Variants in CD99L2 observed in about 807,000 individuals in gnomAD.
CD99L2 encodes the protein CD99 molecule like 2.
Under a neutral mutation model 27.3 loss-of-function variants are expected in CD99L2, and 24 were observed. The ratio of observed to expected loss-of-function variants is 0.88; its 90% CI spans 0.64 to 1.24. The LOEUF (loss-of-function observed/expected upper bound fraction) is 1.24. CD99L2 is among the 50% of genes most tolerant of loss of function. The probability of loss-of-function intolerance (pLI) is 0.00; values close to 1 mark genes in which losing one functional copy is unlikely to be tolerated. For missense variants in CD99L2, 255 were observed against 221.6 expected (o/e 1.15, Z -0.96); for synonymous variants, 97 against 87.9 (o/e 1.10, Z -0.58).
chrX:150,792,936 T>A (rs2045716884), intron 7 of CD99L2, among the ~76,000 whole-genome samples: 1 of 111,925 alleles, frequency 8.9e-6, no homozygotes, highest in Admixed American at 9.5e-5. Context: ...GGGGAGGACA[T>A]GACTATTCTG....
rs782139143 is a variant in CD99L2, at chrX:150,777,534, G to A, written c.497-52C>T. On this transcript the variant is annotated intron_variant, in intron 7 of 10. Transcript: ENST00000370377. The stretch of plus-strand genomic sequence containing the variant: ...GCCAGCGACCAGCCAGCTCAGGCTC[G>A]AGCTCGGGCCTCCGCGAGACGGATG... 3.0e-5 allele frequency: 35 copies of A among 1,170,532 alleles called. No individual in the cohort carries two copies. In the East Asian group the frequency reaches 6.0e-4, roughly 20 times the overall value.
intron 1 of CD99L2, among the ~76,000 whole-genome samples, chrX:150,841,175 C>T (rs374672698): frequency 1.8e-5 from 2 of 111,711 alleles, no homozygotes; most frequent in African/African-American, 6.5e-5. Flanking sequence ...TGAAATATGG[C>T]TCTTCCATAC....
chrX:150,777,473 C>T lies in CD99L2; in HGVS notation c.506G>A (p.Arg169Gln), dbSNP rs143706982. 95 of 1,209,673 alleles carry T rather than the reference C, an allele frequency of 7.9e-5. No individual in the cohort carries two copies. The highest frequency in any genetic ancestry group is 4.6e-4 in the Middle Eastern group (2 of 4,345). Residue 169 changes from arginine to glutamine, a missense_variant, in exon 8 of 11, where the codon CGG becomes CAG. Arg to Gln is a conservative substitution (Grantham distance 43). Transcript: ENST00000370377. ...YKPDKGKGDG[R>Q]YGSNDDPGSG... ...TCCAGGGTCGTCATTGCTGCCGTAC[C>T]GGCCATCACCTGAAGAAAAGACAAA...
At chrX:150,771,960 C>T in intron 9 of CD99L2, 5 of 648,097 alleles carry the variant, frequency 7.7e-6, no homozygotes, top group South Asian at 2.7e-5. Flanking sequence ...CAGCAGAGGC[C>T]GAGAGCACCT....
intron 2 of CD99L2, among the ~76,000 whole-genome samples, chrX:150,820,466 G>A (rs1183996829): frequency 9.0e-6 from 1 of 111,623 alleles, no homozygotes; most frequent in African/African-American, 3.2e-5. Flanking sequence ...AAAGCATTTA[G>A]ATGGTTTATT....
chrX:150,841,144 C>T (rs2046617389), intron 1 of CD99L2, among the ~76,000 whole-genome samples: 1 of 111,940 alleles, frequency 8.9e-6, no homozygotes, highest in African/African-American at 3.2e-5. Flanking sequence ...TCCAAGTGTT[C>T]AGCAAAGATG....
In CD99L2 at chrX:150,876,211, G is replaced by GA. The variant is rs782581178; in HGVS notation, c.67+22310dup. Reference sequence around the variant, plus strand: ...TTTTGTGTTGCCTCTCCATGAGAATGACAACTTAGATCACACACTTTTGCC... The same window carrying GA: ...TTTTGTGTTGCCTCTCCATGAGAATGAACAACTTAGATCACACACTTTTGCC... On this transcript the variant is annotated intron_variant, in intron 1 of 10. Coordinates refer to ENST00000370377, the MANE Select transcript of CD99L2 (RefSeq NM_031462.4). Among the ~76,000 whole-genome samples, 151 of 112,293 alleles carry GA rather than the reference G, an allele frequency of 1.3e-3. 1 individual carries two copies. The highest frequency in any genetic ancestry group is 4.3e-3 in the African/African-American group (132 of 30,918).
chrX:150,866,542 A>C (rs1557422041), intron 1 of CD99L2, among the ~76,000 whole-genome samples: 2 of 108,581 alleles, frequency 1.8e-5, no homozygotes, highest in African/African-American at 3.4e-5. Flanking sequence ...AGAACAGCCT[A>C]AGCAAAATAA....
At chrX:150,770,112 C>T (rs1557418971) in intron 10 of CD99L2, among the ~76,000 whole-genome samples, 192 bp downstream of exon 10, 1 of 112,834 alleles carries the variant, frequency 8.9e-6, no homozygotes, top group African/African-American at 3.2e-5. Context: ...CAGCAGATGG[C>T]CCTGGCTGTC....
intron 1 of CD99L2, among the ~76,000 whole-genome samples, chrX:150,853,984 T>C (rs1470761977): frequency 8.9e-6 from 1 of 111,852 alleles, no homozygotes; most frequent in Non-Finnish European, 1.9e-5. Context: ...TAATGAGCTA[T>C]GAAGTTACAG....
chrX:150,842,202 A>C (rs1278219462), intron 1 of CD99L2, among the ~76,000 whole-genome samples: 4 of 112,101 alleles, frequency 3.6e-5, no homozygotes, highest in Non-Finnish European at 5.6e-5. Flanking sequence ...GTCCTTTGGC[A>C]ATGTTGCCCA....
At chrX:150,804,569 C>G (rs1557420181) in intron 4 of CD99L2, among the ~76,000 whole-genome samples, 1 of 110,579 alleles carries the variant, frequency 9.0e-6, no homozygotes, top group Non-Finnish European at 1.9e-5. Context: ...AGAGACCAGC[C>G]TGGCCAACAT....
chrX:150,824,602 AGG>A (rs1557420847), intron 2 of CD99L2, among the ~76,000 whole-genome samples: 11 of 97,162 alleles, frequency 1.1e-4, no homozygotes, highest in African/African-American at 4.5e-4. Context: ...AAGAAGAAGG[AGG>A]AGAAGAAGAA....
chrX:150,885,472 T>C (rs930946008), intron 1 of CD99L2, among the ~76,000 whole-genome samples: 10 of 112,448 alleles, frequency 8.9e-5, no homozygotes, highest in Non-Finnish European at 1.7e-4. Context: ...GAAAACTATA[T>C]ACAGTTTGAT....
At chrX:150,865,116 G>A (rs781906686) in intron 1 of CD99L2, among the ~76,000 whole-genome samples, 1 of 109,859 alleles carries the variant, frequency 9.1e-6, no homozygotes, top group African/African-American at 3.3e-5. Context: ...CACCACAGGA[G>A]AAAATTGGGA....
rs186030170 is a variant in CD99L2, at chrX:150,828,715, T to C, written c.130+2516A>G. ...ATGAGATATTATTTTGTCCATCATA[T>C]TGGTAAAATATTTTTATTGATAAAA... On this transcript the variant is annotated intron_variant, in intron 2 of 10. Transcript: ENST00000370377. 2.7e-5 allele frequency: 3 copies of C among 111,637 alleles called. No individual in the cohort carries two copies. The Admixed American group carries it at 2.9e-4, about 11-fold the overall frequency. 9.2% of individuals were successfully genotyped at this position (111,637 alleles called of 1,213,427 possible).
chrX:150,881,091 C>G (rs1557422481), intron 1 of CD99L2, among the ~76,000 whole-genome samples: 2 of 111,221 alleles, frequency 1.8e-5, no homozygotes, highest in Non-Finnish European at 3.8e-5. Flanking sequence ...GAGGGAGCTG[C>G]CTGGCTGTGG....
chrX:150,825,296 TTATC>T (rs781950442), intron 2 of CD99L2, among the ~76,000 whole-genome samples: 64 of 112,549 alleles, frequency 5.7e-4, no homozygotes, highest in African/African-American at 1.9e-3. Flanking sequence ...AAGTATTTGT[TTATC>T]TGTCTTAAAG....
intron 1 of CD99L2, among the ~76,000 whole-genome samples, chrX:150,848,629 A>C (rs2046742213): frequency 9.0e-6 from 1 of 110,508 alleles, no homozygotes; most frequent in Non-Finnish European, 1.9e-5. Flanking sequence ...CAATTATCTC[A>C]AGGCATGTTA....
Sources: allele counts gnomAD v4.1 joint callset (sites outside exome capture counted in the v4.1 genomes callset), GRCh38; gene constraint gnomAD v4.1.1; transcripts MANE v1.5; gene names NCBI Gene and HGNC (gene_info 2026-07-23, HGNC 2026-07-21).